Variants in DCAF6 observed in about 807,000 individuals in gnomAD.
The protein encoded by DCAF6 is DDB1 and CUL4 associated factor 6, also known as DDB1- and CUL4-associated factor 6.
A neutral mutation model predicts 125.1 loss-of-function variants in DCAF6; 54 were observed. That is an observed-to-expected ratio of 0.43 (90% CI 0.35 to 0.54). The LOEUF is 0.54. DCAF6 is among the 20% of genes least tolerant of loss of function. The pLI, the probability that DCAF6 is intolerant of heterozygous loss-of-function variation, is 0.01. For missense variants in DCAF6, 934 were observed against 1,161.7 expected (o/e 0.80, Z 2.85); for synonymous variants, 371 against 390.4 (o/e 0.95, Z 0.58).
the DCAF6 span, among the ~76,000 whole-genome samples, chr1:167,908,248 A>G: frequency 1.3e-5 from 2 of 152,246 alleles, no homozygotes; most frequent in Non-Finnish European, 2.9e-5. Flanking sequence ...TCTTTCTTGT[A>G]TGATAGTGTG....
Position 167,972,601 on chromosome 1 carries a change from G to A in DCAF6, c.253-2229G>A, listed in dbSNP as rs367552627. The stretch of plus-strand genomic sequence containing the variant: ...CCAGGTAAGAGGGAAAGATGACTCA[G>A]GCACAGATAATGACATTGGAGTTGG... On this transcript the variant is annotated intron_variant, in intron 3 of 21. Transcript: ENST00000367840. 1.3e-3 allele frequency among the ~76,000 whole-genome samples: 197 copies of A among 152,332 alleles called. 1 individual carries two copies. In the South Asian group the frequency reaches 0.023, roughly 18 times the overall value.
chr1:168,040,533 C>T (rs1333144984), intron 13 of DCAF6, among the ~76,000 whole-genome samples: 1 of 151,306 alleles, frequency 6.6e-6, no homozygotes, highest in East Asian at 1.9e-4. Flanking sequence ...TTTGAAGGTG[C>T]AGCCAGTAGG....
At chr1:167,970,199 A>G (rs554308177) in intron 3 of DCAF6, among the ~76,000 whole-genome samples, 1 of 152,348 alleles carries the variant, frequency 6.6e-6, no homozygotes, top group Non-Finnish European at 1.5e-5. Context: ...TACCAAAGGA[A>G]TGATTGTTAA....
At chr1:167,946,118 G>A (rs1301254501) in intron 1 of DCAF6, among the ~76,000 whole-genome samples, 3 of 151,452 alleles carry the variant, frequency 2.0e-5, no homozygotes, top group Admixed American at 1.3e-4. Context: ...CACCACACCC[G>A]GCTAATTTTT....
the DCAF6 span, chr1:167,899,469 C>T: frequency 1.7e-5 from 27 of 1,614,096 alleles, no homozygotes; most frequent in African/African-American, 4.0e-5. Flanking sequence ...AATCATGCTC[C>T]GGTCACAGAG....
At chr1:167,951,983 T>A in intron 2 of DCAF6, 122 bp downstream of exon 2, 1 of 556,336 alleles carries the variant, frequency 1.8e-6, no homozygotes, top group Non-Finnish European at 3.1e-6. Context: ...AATAAAGTTT[T>A]ACATTAAAAT....
the DCAF6 span, among the ~76,000 whole-genome samples, chr1:167,922,555 T>C: frequency 6.6e-6 from 1 of 152,008 alleles, no homozygotes; most frequent in Non-Finnish European, 1.5e-5. Context: ...TAACTTCCAT[T>C]AGTATAGGGG....
At chr1:168,062,739 AT>A (rs1691757281) in intron 17 of DCAF6, among the ~76,000 whole-genome samples, 1 of 152,042 alleles carries the variant, frequency 6.6e-6, no homozygotes, top group Admixed American at 6.5e-5. Flanking sequence ...GAGAAGTTTT[AT>A]TTTAATAGTT....
chr1:167,870,257 C>G, the DCAF6 span: 1 of 1,614,024 alleles, frequency 6.2e-7, no homozygotes, highest in Non-Finnish European at 8.5e-7. Context: ...AGACACTCAC[C>G]TGTGATTCTT....
intron 1 of DCAF6, among the ~76,000 whole-genome samples, chr1:167,944,291 TC>T (rs1290798834): frequency 6.6e-6 from 1 of 152,236 alleles, no homozygotes; most frequent in Non-Finnish European, 1.5e-5. Context: ...GGTGCACATA[TC>T]TTTTAGATAT....
At chr1:167,918,231 A>T in the DCAF6 span, 1 of 1,035,346 alleles carries the variant, frequency 9.7e-7, no homozygotes. Context: ...TTCTAAACAC[A>T]CAGTTAGCTT....
chr1:168,047,318 G>A (rs1010140044), intron 16 of DCAF6, among the ~76,000 whole-genome samples: 4 of 152,030 alleles, frequency 2.6e-5, no homozygotes, highest in African/African-American at 4.8e-5. Context: ...AACTAGACTA[G>A]CAGAATCTTT....
intron 4 of DCAF6, among the ~76,000 whole-genome samples, chr1:167,985,374 A>G (rs910464648): frequency 6.6e-6 from 1 of 152,170 alleles, no homozygotes; most frequent in Non-Finnish European, 1.5e-5. Context: ...TGCCTTTTCC[A>G]GCTTCTAGAG....
chr1:168,001,935 T>G (rs1682697049), intron 7 of DCAF6, among the ~76,000 whole-genome samples: 1 of 152,098 alleles, frequency 6.6e-6, no homozygotes, highest in Admixed American at 6.6e-5. Context: ...GAGGAAAAAT[T>G]GTTAAGAGGG....
intron 7 of DCAF6, among the ~76,000 whole-genome samples, chr1:168,000,402 GC>G (rs1557956137): frequency 6.6e-6 from 1 of 152,150 alleles, no homozygotes; most frequent in Admixed American, 6.5e-5. Context: ...CTTATTCAAT[GC>G]AGGGTTGCCA....
At chr1:167,966,408 C>T (rs1016954145) in intron 2 of DCAF6, among the ~76,000 whole-genome samples, 1 of 152,120 alleles carries the variant, frequency 6.6e-6, no homozygotes, top group Non-Finnish European at 1.5e-5. Context: ...TTTAGCTCAT[C>T]AGCTATTGTT....
chr1:168,027,802 T>A (rs1686539260), intron 12 of DCAF6, among the ~76,000 whole-genome samples: 1 of 152,146 alleles, frequency 6.6e-6, no homozygotes, highest in Admixed American at 6.5e-5. Context: ...GCAACTGGTG[T>A]CTTTGCTTAT....
At chr1:167,905,628 G>T in the DCAF6 span, among the ~76,000 whole-genome samples, 1 of 151,250 alleles carries the variant, frequency 6.6e-6, no homozygotes, top group South Asian at 2.1e-4. Flanking sequence ...GATGTGATTC[G>T]TGTGTGTGAG....
intron 11 of DCAF6, among the ~76,000 whole-genome samples, chr1:168,020,837 C>T (rs1246951847): frequency 1.3e-5 from 2 of 151,992 alleles, no homozygotes; most frequent in African/African-American, 2.4e-5. Context: ...TTAAAATGTT[C>T]ATATGATAGG....
Sources: gnomAD v4.1 joint callset for allele counts (sites outside exome capture counted in the v4.1 genomes callset) on GRCh38, gnomAD v4.1.1 for gene constraint, MANE v1.5 for transcripts, NCBI Gene and HGNC (gene_info 2026-07-23, HGNC 2026-07-21) for gene names.